Variants in TRPM3 observed in about 807,000 individuals in gnomAD.
TRPM3 encodes transient receptor potential cation channel subfamily M member 3, also known as long transient receptor potential channel 3.
TRPM3 carries 77 observed loss-of-function variants against 181.2 expected under a neutral mutation model. The observed-to-expected ratio is 0.42, with a 90% CI of 0.35 to 0.51. The LOEUF is 0.51. Ranked by LOEUF, TRPM3 falls within the 20% of genes least tolerant of loss-of-function variation. The probability of loss-of-function intolerance (pLI) is 0.01; values close to 1 mark genes in which losing one functional copy is unlikely to be tolerated. For synonymous variants in TRPM3, 745 were observed against 796.4 expected (o/e 0.94, Z 1.09); for missense variants, 1,759 against 2,196.7 (o/e 0.80, Z 3.98).
intron 11 of TRPM3, among the ~76,000 whole-genome samples, chr9:70,637,778 A>G (rs191504650): frequency 3.3e-5 from 5 of 152,158 alleles, no homozygotes; most frequent in African/African-American, 1.2e-4. Flanking sequence ...GGGTAGAATA[A>G]TCTTAGAGAC....
intron 1 of TRPM3, among the ~76,000 whole-genome samples, chr9:71,174,431 A>G (rs1030772391): frequency 6.6e-6 from 1 of 152,112 alleles, no homozygotes; most frequent in Non-Finnish European, 1.5e-5. Context: ...AATCCCAGCT[A>G]CTTGGGAGGC....
Position 71,194,206 on chromosome 9 carries a change from G to A in TRPM3, c.183+252447C>T, listed in dbSNP as rs188030097. Among the ~76,000 whole-genome samples the A allele has an allele frequency of 3.3e-5, 5 of 151,830 alleles. No homozygotes were observed. The South Asian group carries it at 1.0e-3, about 31-fold the overall frequency. On this transcript the variant is annotated intron_variant, in intron 1 of 24. Transcript: ENST00000357533. The stretch of plus-strand genomic sequence containing the variant: ...AGAAATTTTCATTAAGTGTTTGATG[G>A]CTCTTTCTAATAGTTTAGGGTTTCT...
At chr9:70,750,821 C>A (rs571394348) in intron 8 of TRPM3, among the ~76,000 whole-genome samples, 1 of 152,056 alleles carries the variant, frequency 6.6e-6, no homozygotes, top group Non-Finnish European at 1.5e-5. Flanking sequence ...ACATGTAGAA[C>A]TTGAAGTAAT....
At chr9:70,954,267 G>A (rs1314285402) in intron 1 of TRPM3, among the ~76,000 whole-genome samples, 1 of 152,160 alleles carries the variant, frequency 6.6e-6, no homozygotes, top group Non-Finnish European at 1.5e-5. Flanking sequence ...CCAGCCCAGT[G>A]GCCAGTGAAA....
chr9:71,367,455 C>A (rs528686529), intron 1 of TRPM3, among the ~76,000 whole-genome samples: 2 of 152,096 alleles, frequency 1.3e-5, no homozygotes, highest in South Asian at 4.2e-4. Context: ...CTGTAAAAGG[C>A]AAGTTTGTAA....
intron 1 of TRPM3, among the ~76,000 whole-genome samples, chr9:71,385,372 C>T (rs1188504542): frequency 6.6e-6 from 1 of 152,194 alleles, no homozygotes; most frequent in Non-Finnish European, 1.5e-5. Flanking sequence ...CTAAAACTAG[C>T]AACTCACAAG....
intron 1 of TRPM3, among the ~76,000 whole-genome samples, chr9:71,098,959 C>T (rs541397480): frequency 2.6e-4 from 40 of 152,222 alleles, no homozygotes; most frequent in Non-Finnish European, 5.9e-4. Context: ...GGTGTCATTG[C>T]CAGACTGGGC....
At chr9:71,281,052 G>C (rs2084666930) in intron 1 of TRPM3, among the ~76,000 whole-genome samples, 1 of 152,182 alleles carries the variant, frequency 6.6e-6, no homozygotes. Flanking sequence ...CCAGCACCTG[G>C]AAAGTGGCTG....
intron 1 of TRPM3, among the ~76,000 whole-genome samples, chr9:71,352,788 T>G (rs2091713095): frequency 6.6e-6 from 1 of 152,152 alleles, no homozygotes; most frequent in South Asian, 2.1e-4. Context: ...TTTGTCTATC[T>G]CAGGCACCAC....
chr9:70,917,472 C>A, intron 1 of TRPM3: 1 of 742,644 alleles, frequency 1.3e-6, no homozygotes, highest in South Asian at 1.4e-5. Flanking sequence ...CGCACTGTCA[C>A]TGCCACCACC....
chr9:71,340,833 C>T lies in TRPM3; in HGVS notation c.183+105820G>A, dbSNP rs77142429. 4.1e-3 allele frequency among the ~76,000 whole-genome samples: 625 copies of T among 152,122 alleles called. 2 individuals carry two copies. Among genetic ancestry groups the T allele is most frequent in the Middle Eastern group, 0.02 (6 of 294 alleles). Reference sequence around the variant, plus strand: ...CATTTTCCAGTAAAAGAAACCAGGGCTCCTTGTAGAAGTGGTCATTCTAGA... The same window carrying T: ...CATTTTCCAGTAAAAGAAACCAGGGTTCCTTGTAGAAGTGGTCATTCTAGA... On this transcript the variant is annotated intron_variant, in intron 1 of 24. Transcript: ENST00000357533.
chr9:70,922,592 A>G (rs2096668869), intron 1 of TRPM3, among the ~76,000 whole-genome samples: 1 of 152,208 alleles, frequency 6.6e-6, no homozygotes, highest in East Asian at 1.9e-4. Context: ...TTGAAGATAC[A>G]GAATACTTTT....
At chr9:70,862,809 A>G (rs190080651) in intron 3 of TRPM3, 99 bp downstream of exon 3, 1 of 1,226,970 alleles carries the variant, frequency 8.2e-7, no homozygotes, top group Non-Finnish European at 1.2e-6. Flanking sequence ...CAGAGTGGAG[A>G]TTAGGCCCAA....
At chr9:71,119,915 G>A (rs2073243475) in intron 1 of TRPM3, among the ~76,000 whole-genome samples, 1 of 152,264 alleles carries the variant, frequency 6.6e-6, no homozygotes, top group South Asian at 2.1e-4. Flanking sequence ...TAGTCCCTAG[G>A]GAAGCAAGCC....
chr9:70,820,975 C>A (rs1013059959), intron 6 of TRPM3, among the ~76,000 whole-genome samples: 1 of 152,118 alleles, frequency 6.6e-6, no homozygotes, highest in Non-Finnish European at 1.5e-5. Context: ...TCTTTCTAAT[C>A]TTGAATTCTA....
intron 1 of TRPM3, among the ~76,000 whole-genome samples, chr9:71,344,173 G>A (rs1201928160): frequency 6.6e-6 from 1 of 152,092 alleles, no homozygotes; most frequent in Admixed American, 6.6e-5. Flanking sequence ...GGGGCAGCTG[G>A]GCACGGTGGC....
At chr9:70,847,205 G>A (rs2095001317) in intron 3 of TRPM3, among the ~76,000 whole-genome samples, 1 of 152,124 alleles carries the variant, frequency 6.6e-6, no homozygotes, top group Non-Finnish European at 1.5e-5. Context: ...CAAATATCAA[G>A]GTGTTACCAG....
intron 1 of TRPM3, among the ~76,000 whole-genome samples, chr9:71,001,129 T>C (rs551389619): frequency 4.6e-4 from 70 of 152,262 alleles, no homozygotes; most frequent in African/African-American, 1.6e-3. Context: ...ATTAAGCTAA[T>C]TCTGATTTTT....
chr9:71,160,180 C>G lies in TRPM3; in HGVS notation c.183+286473G>C, dbSNP rs114585296. Among the ~76,000 whole-genome samples, 961 of 152,246 alleles carry G rather than the reference C, an allele frequency of 6.3e-3. 13 individuals are homozygous for G. The highest frequency in any genetic ancestry group is 0.022 in the African/African-American group (912 of 41,560). On this transcript the variant is annotated intron_variant, in intron 1 of 24. Transcript: ENST00000357533. ...CCTGGAGCATTCTCCCCTAAAATAT[C>G]TTAATGGTTCTGTCATCCCTTTCAA...
Sources: allele counts gnomAD v4.1 joint callset (sites outside exome capture counted in the v4.1 genomes callset), GRCh38; gene constraint gnomAD v4.1.1; transcripts MANE v1.5; gene names NCBI Gene and HGNC (gene_info 2026-07-23, HGNC 2026-07-21).